Variants in BAHCC1 observed in about 807,000 individuals in gnomAD.
The protein encoded by BAHCC1 is BAH domain and coiled-coil containing 1.
Under a neutral mutation model 88.2 loss-of-function variants are expected in BAHCC1, and 43 were observed. The ratio of observed to expected loss-of-function variants is 0.49; its 90% CI spans 0.38 to 0.63. The LOEUF is 0.63. Ranked by LOEUF, BAHCC1 falls within the 20% of genes least tolerant of loss-of-function variation. The probability of loss-of-function intolerance (pLI) is 0.00; values close to 1 mark genes in which losing one functional copy is unlikely to be tolerated. For synonymous variants in BAHCC1, 1,510 were observed against 745.5 expected (o/e 2.03, Z -16.71); for missense variants, 3,023 against 1,654.8 (o/e 1.83, Z -14.34).
chr17:81,398,761 G>A (rs534935247), intron 1 of BAHCC1, among the ~76,000 whole-genome samples: 173 of 135,434 alleles, frequency 1.3e-3, no homozygotes, highest in African/African-American at 4.4e-3. Context: ...AGGTGATGCC[G>A]GTGGCGGTTG....
intron 3 of BAHCC1, among the ~76,000 whole-genome samples, chr17:81,432,402 T>C (rs2064270546): frequency 6.6e-6 from 1 of 152,042 alleles, no homozygotes; most frequent in Non-Finnish European, 1.5e-5. Flanking sequence ...GGGAGTTCCC[T>C]GGTAGCCAGA....
At chr17:81,409,780 A>G (rs1013625111) in intron 2 of BAHCC1, among the ~76,000 whole-genome samples, 4 of 152,196 alleles carry the variant, frequency 2.6e-5, no homozygotes, top group African/African-American at 9.6e-5. Context: ...CGGCCCTGCA[A>G]GCACCTCCCC....
intron 2 of BAHCC1, chr17:81,407,226 A>T (rs2063891907): frequency 2.3e-6 from 1 of 442,436 alleles, no homozygotes; most frequent in Non-Finnish European, 4.6e-6. Flanking sequence ...GTGTGCTTCC[A>T]ATAGGGTCCT....
chr17:81,452,923 CCAGGCTCCCCT>C, intron 14 of BAHCC1, 72 bp downstream of exon 14: 1 of 640,490 alleles, frequency 1.6e-6, no homozygotes, highest in Non-Finnish European at 2.8e-6. Context: ...GGAGCAGGGT[CCAGGCTCCCCT>C]GAGGCTTCCA....
At chr17:81,418,756 TGTGTGTGTAC>T (rs71367050) in intron 2 of BAHCC1, among the ~76,000 whole-genome samples, 11 of 148,698 alleles carry the variant, frequency 7.4e-5, no homozygotes, top group Admixed American at 2.7e-4. Context: ...CACAGACGTG[TGTGTGTGTAC>T]GTGTGTGTAC....
At chr17:81,400,254 T>C (rs2063797629) in intron 2 of BAHCC1, among the ~76,000 whole-genome samples, 1 of 152,182 alleles carries the variant, frequency 6.6e-6, no homozygotes, top group African/African-American at 2.4e-5. Flanking sequence ...GCATTCTGCA[T>C]TCACCTCCCT....
At position 81,443,063 on chromosome 17, in the gene BAHCC1, G is replaced by T. The variant is rs782547818; in HGVS notation, c.1714G>T (p.Ala572Ser). The change falls in exon 5 of 28, where the codon GCA becomes TCA. Residue 572 changes from alanine to serine, a missense_variant. Coordinates refer to ENST00000675386, the MANE Select transcript of BAHCC1 (RefSeq NM_001377448.1). ...AEAKRKSLEL[A>S]SLGYSGPHLP... ...GGCCAAGCGCAAGTCCCTGGAGCTGGCATCCCTGGGCTACAGTGGGCCCCA... is the reference window on the plus strand; with the variant it reads ...GGCCAAGCGCAAGTCCCTGGAGCTGTCATCCCTGGGCTACAGTGGGCCCCA... 1 of 778,172 alleles carries T rather than the reference G, an allele frequency of 1.3e-6. No individual in the cohort carries two copies. The allele number at this position is 778,172 out of a possible 1,614,324, so 48.2% of individuals were successfully genotyped here.
intron 2 of BAHCC1, among the ~76,000 whole-genome samples, chr17:81,412,653 T>TACCTTCCCGG (rs1490352786): frequency 6.6e-6 from 1 of 152,164 alleles, no homozygotes; most frequent in Non-Finnish European, 1.5e-5. Flanking sequence ...GCCCTTCCCG[T>TACCTTCCCGG]ACCTTCCCGG....
At chr17:81,429,720 G>A (rs1329081311) in intron 3 of BAHCC1, among the ~76,000 whole-genome samples, 1 of 152,212 alleles carries the variant, frequency 6.6e-6, no homozygotes, top group Non-Finnish European at 1.5e-5. Flanking sequence ...AGGATGGGCA[G>A]GAGGCAGGTG....
rs559845803 is a variant in BAHCC1 at position 81,434,104 on chromosome 17, CAG to C, written c.359-4265_359-4264del. Among the ~76,000 whole-genome samples the C allele has an allele frequency of 1.2e-3, 183 of 152,242 alleles. No individual in the cohort carries two copies. Among genetic ancestry groups the C allele is most frequent in the Admixed American group, 2.1e-3 (32 of 15,302 alleles). Reference sequence around the variant, plus strand: ...CCTGGGGTCACTGTGGGGGGAGTAACAGGGGATCTGGCAGAGTTGGCAGGAGG... The same window carrying C: ...CCTGGGGTCACTGTGGGGGGAGTAACGGGATCTGGCAGAGTTGGCAGGAGG... On this transcript the variant is annotated intron_variant, in intron 3 of 27. Transcript: ENST00000675386. This position sits in a 1 kb window ranked among gnomAD's most constrained non-coding sequence, Gnocchi z 4.9.
chr17:81,404,057 C>G (rs538478309), intron 2 of BAHCC1, among the ~76,000 whole-genome samples: 68 of 152,352 alleles, frequency 4.5e-4, no homozygotes, highest in Admixed American at 8.5e-4. Context: ...GCGCGTCCCC[C>G]CAAACGTTCC....
At position 81,442,396 on chromosome 17, in the gene BAHCC1, C is replaced by A; in HGVS notation, c.1047C>A (p.Ser349=). 1 of 700,424 alleles carries A rather than the reference C, an allele frequency of 1.4e-6. No homozygotes were observed. The highest frequency in any genetic ancestry group is 2.6e-6 in the Non-Finnish European group (1 of 379,044). 43.4% of individuals were successfully genotyped at this position (700,424 alleles called of 1,614,324 possible). The change falls in exon 5 of 28, where the codon TCC becomes TCA. Residue 349 remains serine (S), a synonymous_variant. Transcript: ENST00000675386. The part of the protein sequence containing the change: ...ERRQMLHHTA[S]YAGPPPPLST... ...GGCAGATGCTACACCACACCGCATC[C>A]TACGCCGGGCCACCCCCGCCCCTCA... is the stretch of plus-strand genomic sequence containing the variant.
intron 3 of BAHCC1, among the ~76,000 whole-genome samples, chr17:81,429,334 T>C (rs2064234681): frequency 6.6e-6 from 1 of 152,166 alleles, no homozygotes; most frequent in Non-Finnish European, 1.5e-5. Flanking sequence ...CAGCTTGCTG[T>C]CCCCTGCTCT....
intron 2 of BAHCC1, among the ~76,000 whole-genome samples, chr17:81,417,606 C>T (rs763232532): frequency 9.2e-5 from 11 of 119,086 alleles, no homozygotes; most frequent in African/African-American, 2.1e-4. Flanking sequence ...TAATAAGAAC[C>T]AGACTTATAT....
intron 3 of BAHCC1, among the ~76,000 whole-genome samples, chr17:81,437,465 C>T (rs928854594): frequency 1.3e-5 from 2 of 152,266 alleles, no homozygotes; most frequent in South Asian, 4.1e-4. Context: ...ATGCTCTCTG[C>T]AGCCCCTGGG....
chr17:81,403,817 T>C (rs1003131707), intron 2 of BAHCC1, among the ~76,000 whole-genome samples: 1 of 152,218 alleles, frequency 6.6e-6, no homozygotes, highest in Non-Finnish European at 1.5e-5. Context: ...AATCCGGGAA[T>C]GTGGGGCCGC....
intron 23 of BAHCC1, among the ~76,000 whole-genome samples, chr17:81,459,988 G>T (rs538356860): frequency 6.6e-4 from 101 of 152,292 alleles, no homozygotes; most frequent in African/African-American, 2.4e-3. Context: ...GGCGGGAGGC[G>T]CCTCCAGGCG....
chr17:81,442,621 C>T lies in BAHCC1; in HGVS notation c.1272C>T (p.His424=), dbSNP rs367646703. 22 of 776,668 alleles carry T rather than the reference C, an allele frequency of 2.8e-5. No individual in the cohort carries two copies. Among genetic ancestry groups the T allele is most frequent in the South Asian group, 2.4e-4 (18 of 74,180 alleles). 48.1% of individuals were successfully genotyped at this position (776,668 alleles called of 1,614,324 possible). Residue 424 remains histidine (H), a synonymous_variant, in exon 5 of 28, where the codon CAC becomes CAT. Transcript: ENST00000675386. ...TGGCAGGGGAGGGCAAGGACCGGCA[C>T]CTGGAGGGAACCATGGCCCCCGACC... ...CAVAGEGKDR[H]LEGTMAPDHA...
chr17:81,417,536 G>A (rs2064048242), intron 2 of BAHCC1, among the ~76,000 whole-genome samples: 1 of 145,200 alleles, frequency 6.9e-6, no homozygotes, highest in Admixed American at 7.0e-5. Context: ...GAGGAGGGAC[G>A]CCATGGGGAG....
Sources: gnomAD v4.1 joint callset for allele counts (sites outside exome capture counted in the v4.1 genomes callset) on GRCh38, gnomAD v4.1.1 for gene constraint, Gnocchi (gnomAD v3.1) non-coding constraint, MANE v1.5 for transcripts, NCBI Gene and HGNC (gene_info 2026-07-23, HGNC 2026-07-21) for gene names.